Variants in AFF2 observed in about 807,000 individuals in gnomAD.
The protein encoded by AFF2 is AF4/FMR2 family member 2.
A neutral mutation model predicts 76.9 loss-of-function variants in AFF2; 14 were observed. The observed-to-expected ratio is 0.18, with a 90% CI of 0.12 to 0.28. The LOEUF is 0.28. Ranked by LOEUF, AFF2 falls within the 10% of genes least tolerant of loss-of-function variation. The pLI, the probability that AFF2 is intolerant of heterozygous loss-of-function variation, is 1.00. For missense variants in AFF2, 868 were observed against 1,001.1 expected, an observed-to-expected ratio of 0.87 and a Z score of 1.79; for synonymous variants, 398 against 366.7, an observed-to-expected ratio of 1.09 and a Z score of -0.98.
chrX:148,882,981 A>T (rs991235864), intron 7 of AFF2, among the ~76,000 whole-genome samples: 12 of 111,651 alleles, frequency 1.1e-4, no homozygotes, highest in Admixed American at 5.7e-4. Flanking sequence ...AGCTTGTTGC[A>T]TGGTGGGGAT....
At chrX:148,778,844 A>G (rs1557268825) in intron 3 of AFF2, among the ~76,000 whole-genome samples, 1 of 110,625 alleles carries the variant, frequency 9.0e-6, no homozygotes, top group East Asian at 2.8e-4. Context: ...TCGTGTCTCT[A>G]TCTCTTTCAA....
intron 3 of AFF2, among the ~76,000 whole-genome samples, chrX:148,748,534 G>A (rs1845119136): frequency 9.0e-6 from 1 of 111,638 alleles, no homozygotes; most frequent in Non-Finnish European, 1.9e-5. Flanking sequence ...TGCCATCCAT[G>A]AGTGTCAGCC....
chrX:148,685,358 C>T (rs1189308937), intron 3 of AFF2, among the ~76,000 whole-genome samples: 4 of 112,188 alleles, frequency 3.6e-5, no homozygotes, highest in Non-Finnish European at 7.5e-5. Flanking sequence ...ATTTTTAACC[C>T]AGTGAATTAT....
intron 1 of AFF2, among the ~76,000 whole-genome samples, chrX:148,630,837 C>T (rs2053972577): frequency 8.9e-6 from 1 of 112,122 alleles, no homozygotes; most frequent in Non-Finnish European, 1.9e-5. Flanking sequence ...TTCATAGCTG[C>T]CATTCCACGG....
At chrX:148,868,415 A>G (rs553592575) in intron 7 of AFF2, among the ~76,000 whole-genome samples, 4 of 111,963 alleles carry the variant, frequency 3.6e-5, no homozygotes, top group African/African-American at 1.3e-4. Context: ...ATGATTACTG[A>G]AGCCATAGTG....
intron 3 of AFF2, among the ~76,000 whole-genome samples, chrX:148,757,802 C>G (rs782244528): frequency 1.8e-5 from 2 of 111,689 alleles, no homozygotes; most frequent in African/African-American, 6.5e-5. Flanking sequence ...TATTTTTGTT[C>G]TTATGCTTTA....
At chrX:148,606,918 C>G (rs2053678058) in intron 1 of AFF2, among the ~76,000 whole-genome samples, 1 of 111,119 alleles carries the variant, frequency 9.0e-6, no homozygotes, top group African/African-American at 3.3e-5. Flanking sequence ...AAGGAACTTG[C>G]TCTCTTTTTT....
intron 7 of AFF2, among the ~76,000 whole-genome samples, chrX:148,870,962 A>G (rs2070966731): frequency 9.0e-6 from 1 of 111,131 alleles, no homozygotes. Context: ...GGAGACAGCA[A>G]CAAGGTCTCT....
intron 6 of AFF2, 111 bp from the exon 7 acceptor site, chrX:148,843,271 T>C (rs1201155676): frequency 9.5e-6 from 6 of 634,404 alleles, no homozygotes; most frequent in Non-Finnish European, 1.2e-5. Context: ...ATCTGTTACT[T>C]ATCTCAAGAA....
At chrX:148,556,309 G>A (rs1245607935) in intron 1 of AFF2, among the ~76,000 whole-genome samples, 2 of 112,254 alleles carry the variant, frequency 1.8e-5, no homozygotes, top group Non-Finnish European at 3.8e-5. Flanking sequence ...TGATTTGAAA[G>A]TATTCTACAG....
chrX:148,914,171 C>T (rs1310661052), intron 9 of AFF2, among the ~76,000 whole-genome samples: 1 of 111,238 alleles, frequency 9.0e-6, no homozygotes, highest in Non-Finnish European at 1.9e-5. Context: ...CAGGAGTCCC[C>T]CAGTGAACAG....
At chrX:148,924,963 T>A (rs16994835) in intron 9 of AFF2, among the ~76,000 whole-genome samples, 5,429 of 112,411 alleles carry the variant, frequency 0.048, 315 homozygotes, top group African/African-American at 0.17. Context: ...TTGCACAGAC[T>A]TCTAAATCTA....
intron 7 of AFF2, among the ~76,000 whole-genome samples, chrX:148,848,199 A>G: frequency 9.0e-6 from 1 of 110,963 alleles, no homozygotes; most frequent in Non-Finnish European, 1.9e-5. Flanking sequence ...ACAAGAAATT[A>G]TACCGCTCTG....
At position 148,994,364 on chromosome X, in the gene AFF2, A is replaced by G. The variant is rs2072569131; in HGVS notation, c.*3032A>G. 8.9e-6 allele frequency: 1 copy of G among 112,314 alleles called. No individual in the cohort carries two copies. Among genetic ancestry groups the G allele is most frequent in the African/African-American group, 3.2e-5 (1 of 30,790 alleles). The allele number at this position is 112,314 out of a possible 1,213,427, so 9.3% of individuals were successfully genotyped here. A position where few individuals can be genotyped will look rare whatever the true frequency, so the allele number is the denominator to read the frequency against. On this transcript the variant is annotated 3_prime_UTR_variant, in exon 21 of 21. Coordinates refer to ENST00000370460, the MANE Select transcript of AFF2 (RefSeq NM_002025.4). ...GTTTGGTAGGTAGGATTACTTTGAA[A>G]AGGGTTTACTAGTGTGGTCCTCCGG... is the stretch of plus-strand genomic sequence containing the variant.
intron 9 of AFF2, among the ~76,000 whole-genome samples, chrX:148,937,746 T>C (rs1291330859): frequency 1.8e-5 from 2 of 112,034 alleles, no homozygotes; most frequent in East Asian, 5.6e-4. Flanking sequence ...CTTACCTCAA[T>C]TACCAGACAG....
Position 148,956,555 on chromosome X carries a change from G to T in AFF2, c.2510G>T (p.Arg837Leu), listed in dbSNP as rs782597343. Residue 837 changes from arginine (R) to leucine (L), a missense_variant, in exon 11 of 21, where the codon CGT becomes CTT. Physicochemically the swap from Arg to Leu is moderately radical, Grantham distance 102. Coordinates refer to ENST00000370460, the MANE Select transcript of AFF2 (RefSeq NM_002025.4). ...AAGGAGACTGCCACAAAACCCAAGC[G>T]TCAGACAGCTGTCACAGCTGTGGAG... ...DHKETATKPKRQTAVTAVEKP... is the reference protein window; with the variant it reads ...DHKETATKPKLQTAVTAVEKP... 8.3e-7 allele frequency: 1 copy of T among 1,211,838 alleles called. No homozygotes were observed. Among genetic ancestry groups the T allele is most frequent in the South Asian group, 1.8e-5 (1 of 56,949 alleles).
chrX:148,634,018 G>A (rs1330717575), intron 1 of AFF2, among the ~76,000 whole-genome samples: 1 of 111,712 alleles, frequency 9.0e-6, no homozygotes, highest in Non-Finnish European at 1.9e-5. Context: ...CACTGACCGG[G>A]TGGATGACAT....
intron 8 of AFF2, among the ~76,000 whole-genome samples, chrX:148,888,281 T>G (rs1390850905): frequency 1.8e-5 from 2 of 111,763 alleles, no homozygotes; most frequent in Non-Finnish European, 3.8e-5. Flanking sequence ...ATATGTGACC[T>G]TTTTTGTCTG....
At chrX:148,523,381 G>A (rs1161730783) in intron 1 of AFF2, among the ~76,000 whole-genome samples, 2 of 111,734 alleles carry the variant, frequency 1.8e-5, no homozygotes, top group African/African-American at 3.2e-5. Context: ...GAAATGTGTG[G>A]GACAGAGGAT....
Sources: gnomAD v4.1 joint callset for allele counts (sites outside exome capture counted in the v4.1 genomes callset) on GRCh38, gnomAD v4.1.1 for gene constraint, MANE v1.5 for transcripts, NCBI Gene and HGNC (gene_info 2026-07-23, HGNC 2026-07-21) for gene names.